Variants in CRACD observed in about 807,000 individuals in gnomAD.
The protein encoded by CRACD is capping protein-inhibiting regulator of actin dynamics.
CRACD carries 56 observed loss-of-function variants against 106.8 expected under a neutral mutation model. That is an observed-to-expected ratio of 0.52 (90% CI 0.42 to 0.66). The LOEUF (loss-of-function observed/expected upper bound fraction) is 0.66. Ranked by LOEUF, CRACD falls within the 30% of genes least tolerant of loss-of-function variation. The pLI is 0.00. For synonymous variants in CRACD, 754 were observed against 670.8 expected, an observed-to-expected ratio of 1.12 and a Z score of -1.92; for missense variants, 1,730 against 1,623.2, an observed-to-expected ratio of 1.07 and a Z score of -1.13.
intron 1 of CRACD, among the ~76,000 whole-genome samples, chr4:56,145,475 T>A (rs1426967978): frequency 6.6e-6 from 1 of 152,228 alleles, no homozygotes; most frequent in African/African-American, 2.4e-5. Context: ...ATAGACCATC[T>A]GTTAATATCT....
At chr4:56,156,704 G>A (rs1336215951) in intron 1 of CRACD, among the ~76,000 whole-genome samples, 1 of 152,134 alleles carries the variant, frequency 6.6e-6, no homozygotes, top group Non-Finnish European at 1.5e-5. Context: ...TGGACTCTAG[G>A]ACCAAACTGC....
At chr4:56,108,406 A>G (rs1408021052) in intron 1 of CRACD, among the ~76,000 whole-genome samples, 2 of 152,328 alleles carry the variant, frequency 1.3e-5, no homozygotes, top group East Asian at 3.9e-4. Context: ...GGAGAATATA[A>G]AATACAATGA....
In CRACD at chr4:56,308,986, T is replaced by C. The variant is rs539187875; in HGVS notation, c.285+1287T>C. On this transcript the variant is annotated intron_variant, in intron 5 of 10. Transcript: ENST00000682029. ...GATTCTACAAGGGGCCCCCCATCTC[T>C]GTAGTTTACACCCTAATGAGAGGGT... is the stretch of plus-strand genomic sequence containing the variant. The C allele has an allele frequency of 4.3e-6, 4 of 922,830 alleles. No homozygotes were observed. In the African/African-American group the frequency reaches 6.8e-5, roughly 16 times the overall value. 57.2% of individuals were successfully genotyped at this position (922,830 alleles called of 1,614,324 possible).
intron 1 of CRACD, among the ~76,000 whole-genome samples, chr4:56,129,029 C>G (rs867712258): frequency 6.6e-5 from 8 of 121,960 alleles, no homozygotes; most frequent in Non-Finnish European, 1.1e-4. Flanking sequence ...AAATGTTTTA[C>G]CTATTTATAA....
chr4:56,172,665 C>T (rs1007421595), intron 1 of CRACD, among the ~76,000 whole-genome samples: 2 of 151,742 alleles, frequency 1.3e-5, no homozygotes, highest in African/African-American at 4.8e-5. Flanking sequence ...TGCTCTGTCA[C>T]CAGGCTGGAG....
intron 5 of CRACD, 33 bp from the exon 6 acceptor site, chr4:56,310,633 G>A: frequency 6.7e-7 from 1 of 1,496,746 alleles, no homozygotes; most frequent in Non-Finnish European, 9.3e-7. Flanking sequence ...TCCTGTTCAG[G>A]CCTTTGACTT....
At position 56,310,752 on chromosome 4, in the gene CRACD, T is replaced by G; in HGVS notation, c.354+18T>G. 6.4e-7 allele frequency: 1 copy of G among 1,560,256 alleles called. No individual in the cohort carries two copies. The highest frequency in any genetic ancestry group is 8.8e-7 in the Non-Finnish European group (1 of 1,131,894). ...AAGAGAAGGTAATATGATTTGAACTTATTTATTTGGCTTCTTTCCTTACTT... is the reference window on the plus strand; with the variant it reads ...AAGAGAAGGTAATATGATTTGAACTGATTTATTTGGCTTCTTTCCTTACTT... On this transcript the variant is annotated intron_variant, in intron 6 of 10. Transcript: ENST00000682029.
At chr4:56,059,543 C>T (rs1047292195) in intron 1 of CRACD, among the ~76,000 whole-genome samples, 1 of 152,184 alleles carries the variant, frequency 6.6e-6, no homozygotes, top group African/African-American at 2.4e-5. Context: ...AAACCATTTT[C>T]TCTCGTGTCA....
chr4:56,145,666 C>T (rs140134427), intron 1 of CRACD, among the ~76,000 whole-genome samples: 4 of 151,878 alleles, frequency 2.6e-5, no homozygotes, highest in African/African-American at 7.3e-5. Context: ...GGCTGGAGTG[C>T]GGTGTTGTGA....
intron 3 of CRACD, among the ~76,000 whole-genome samples, chr4:56,295,088 T>C (rs1743931510): frequency 6.7e-6 from 1 of 150,314 alleles, no homozygotes; most frequent in Non-Finnish European, 1.5e-5. Context: ...GTAAAAAAAG[T>C]AAAAACAAAA....
chr4:56,153,016 C>T (rs186910167), intron 1 of CRACD, among the ~76,000 whole-genome samples: 20 of 152,264 alleles, frequency 1.3e-4, no homozygotes, highest in African/African-American at 3.6e-4. Context: ...CAGTGGCTCA[C>T]GCCTATAATC....
intron 2 of CRACD, among the ~76,000 whole-genome samples, chr4:56,233,341 A>G (rs1739757155): frequency 1.3e-5 from 2 of 152,130 alleles, no homozygotes; most frequent in Admixed American, 1.3e-4. Flanking sequence ...ACCTGGGCTC[A>G]AGAGATCCAC....
intron 2 of CRACD, among the ~76,000 whole-genome samples, chr4:56,198,712 C>A (rs992674093): frequency 1.3e-5 from 2 of 152,010 alleles, no homozygotes; most frequent in Non-Finnish European, 2.9e-5. Flanking sequence ...GAAAATGTGT[C>A]CCTTCCTCAC....
chr4:56,117,593 A>T (rs2068662459), intron 1 of CRACD, among the ~76,000 whole-genome samples: 1 of 152,160 alleles, frequency 6.6e-6, no homozygotes, highest in Non-Finnish European at 1.5e-5. Context: ...AAAGAGTTAC[A>T]GAGATGGATG....
chr4:56,123,403 T>G (rs1457913667), intron 1 of CRACD, among the ~76,000 whole-genome samples: 1 of 152,240 alleles, frequency 6.6e-6, no homozygotes, highest in Non-Finnish European at 1.5e-5. Flanking sequence ...CTCTGTATCC[T>G]TATAAGGCAG....
intron 2 of CRACD, among the ~76,000 whole-genome samples, chr4:56,235,674 C>T (rs1469874134): frequency 1.3e-5 from 2 of 152,198 alleles, no homozygotes; most frequent in African/African-American, 4.8e-5. Flanking sequence ...CCCACATCCA[C>T]AAATCCTCAT....
chr4:56,178,786 C>T (rs1331822823), intron 1 of CRACD, among the ~76,000 whole-genome samples: 1 of 152,168 alleles, frequency 6.6e-6, no homozygotes, highest in Non-Finnish European at 1.5e-5. Context: ...TCATTACATC[C>T]TGGTTTTCAT....
At chr4:56,302,289 C>T (rs980935924) in intron 4 of CRACD, among the ~76,000 whole-genome samples, 1 of 152,204 alleles carries the variant, frequency 6.6e-6, no homozygotes, top group Admixed American at 6.5e-5. Context: ...TGCCCACCAG[C>T]ATGGATCAGG....
chr4:56,288,032 T>C (rs1017939030), intron 3 of CRACD, among the ~76,000 whole-genome samples: 112 of 152,226 alleles, frequency 7.4e-4, no homozygotes, highest in African/African-American at 2.4e-3. Flanking sequence ...TTGAACCTTC[T>C]TGGGTAGGAG....
Sources: allele counts gnomAD v4.1 joint callset (sites outside exome capture counted in the v4.1 genomes callset), GRCh38; gene constraint gnomAD v4.1.1; transcripts MANE v1.5; gene names NCBI Gene and HGNC (gene_info 2026-07-23, HGNC 2026-07-21).